Variants in GRIK3 observed in about 807,000 individuals in gnomAD.
GRIK3 encodes the protein glutamate ionotropic receptor kainate type subunit 3.
In GRIK3, 29 loss-of-function variants were observed where a neutral mutation model predicts 102.5. That is an observed-to-expected ratio of 0.28 (90% CI 0.21 to 0.39). The LOEUF (loss-of-function observed/expected upper bound fraction) is 0.39. Ranked by LOEUF, GRIK3 falls within the 10% of genes least tolerant of loss-of-function variation. The pLI is 1.00. For synonymous variants in GRIK3, 511 were observed against 504.9 expected (o/e 1.01, Z -0.16); for missense variants, 908 against 1,252.4 (o/e 0.73, Z 4.15).
In GRIK3 at chr1:36,880,216, C is replaced by T. The variant is rs1640955410; in HGVS notation, c.550+418G>A. Among the ~76,000 whole-genome samples the T allele has an allele frequency of 6.6e-6, 1 of 152,176 alleles. No homozygotes were observed. Among genetic ancestry groups the T allele is most frequent in the Non-Finnish European group, 1.5e-5 (1 of 68,032 alleles). On this transcript the variant is annotated intron_variant, in intron 3 of 15. Coordinates refer to ENST00000373091, the MANE Select transcript of GRIK3 (RefSeq NM_000831.4). The surrounding 1 kb of genome is among the most constrained non-coding windows in gnomAD (Gnocchi z 5.4). ...GGCTCCAGTGTGTACACACTTAACA[C>T]TAGGCCACGCCATAAGCTATGTGTG...
chr1:36,982,210 C>T (rs1390711322), intron 1 of GRIK3, among the ~76,000 whole-genome samples: 3 of 152,170 alleles, frequency 2.0e-5, no homozygotes, highest in South Asian at 2.1e-4. Flanking sequence ...GGAGTGAGTG[C>T]GTGGTGCTGG....
At position 36,859,830 on chromosome 1, in the gene GRIK3, C is replaced by T. The variant is rs1640699284; in HGVS notation, c.960+14G>A. On this transcript the variant is annotated intron_variant, in intron 6 of 15. Transcript: ENST00000373091. ...TGGGAAGCCCCTGGAATTCACCTCACCCAGCCGCCTTACCATCATCACTCC... is the reference window on the plus strand; with the variant it reads ...TGGGAAGCCCCTGGAATTCACCTCATCCAGCCGCCTTACCATCATCACTCC... The T allele has an allele frequency of 6.2e-7, 1 of 1,609,154 alleles. No homozygotes were observed. The highest frequency in any genetic ancestry group is 1.7e-5 in the Admixed American group (1 of 59,994).
intron 15 of GRIK3, 108 bp downstream of exon 15, chr1:36,804,879 G>A: frequency 7.2e-7 from 1 of 1,381,828 alleles, no homozygotes; most frequent in Non-Finnish European, 1.0e-6. Flanking sequence ...AGGGTGAGCT[G>A]TTGTGAGGCT....
chr1:36,997,023 G>C (rs1423306614), intron 1 of GRIK3, among the ~76,000 whole-genome samples: 2 of 152,204 alleles, frequency 1.3e-5, no homozygotes, highest in East Asian at 1.9e-4. Flanking sequence ...CAAATGCCAA[G>C]AGTGCTGAGG....
At chr1:36,828,133 G>A (rs889812198) in intron 10 of GRIK3, among the ~76,000 whole-genome samples, 3 of 151,668 alleles carry the variant, frequency 2.0e-5, no homozygotes, top group Admixed American at 6.6e-5. Context: ...CCGAGTCCCT[G>A]GTATCATGGA....
chr1:36,956,408 T>C (rs1254117296), intron 1 of GRIK3, among the ~76,000 whole-genome samples: 1 of 152,210 alleles, frequency 6.6e-6, no homozygotes, highest in Non-Finnish European at 1.5e-5. Flanking sequence ...AGCCTCATCG[T>C]GAAACTGCCA....
At chr1:37,025,714 C>T (rs923028017) in intron 1 of GRIK3, among the ~76,000 whole-genome samples, 1 of 152,224 alleles carries the variant, frequency 6.6e-6, no homozygotes, top group Non-Finnish European at 1.5e-5. Context: ...ACTCTATAAA[C>T]CCCCTTCCAT....
rs772148779 is a variant in GRIK3 at position 36,859,261 on chromosome 1, A to T, written c.961-10T>A. On this transcript the variant is annotated splice_polypyrimidine_tract_variant and intron_variant, in intron 6 of 15. Transcript: ENST00000373091. The stretch of plus-strand genomic sequence containing the variant: ...GTAAGGCTGCATCAGTCTGCAGGGA[A>T]GGGCCTGCCTGAGAGCGGCTCCCAA... The T allele has an allele frequency of 8.1e-6, 13 of 1,597,862 alleles. No homozygotes were observed. The highest frequency in any genetic ancestry group is 1.0e-5 in the Non-Finnish European group (12 of 1,168,094).
chr1:37,008,393 G>T (rs10157587), intron 1 of GRIK3, among the ~76,000 whole-genome samples: 36,795 of 152,250 alleles, frequency 0.24, 4,744 homozygotes, highest in African/African-American at 0.27. Flanking sequence ...CCAGGACAGT[G>T]CCTTCACAAG....
chr1:36,955,877 G>C (rs1208806830), intron 1 of GRIK3, among the ~76,000 whole-genome samples: 2 of 152,278 alleles, frequency 1.3e-5, no homozygotes, highest in Non-Finnish European at 2.9e-5. Flanking sequence ...ACCAGGGCCA[G>C]GGTCTGGTGT....
At chr1:36,807,942 C>T (rs1486506286) in intron 13 of GRIK3, among the ~76,000 whole-genome samples, 1 of 152,210 alleles carries the variant, frequency 6.6e-6, no homozygotes, top group Non-Finnish European at 1.5e-5. Context: ...TCCTAGTCCT[C>T]AGCCTGCCCT....
intron 10 of GRIK3, among the ~76,000 whole-genome samples, chr1:36,829,409 G>GT (rs371011659): frequency 0.011 from 1,589 of 142,860 alleles, 14 homozygotes; most frequent in African/African-American, 0.027. Flanking sequence ...ATTGTTTTTT[G>GT]TTTTTTTTTT....
chr1:37,012,230 G>A (rs1351019336), intron 1 of GRIK3, among the ~76,000 whole-genome samples: 1 of 152,260 alleles, frequency 6.6e-6, no homozygotes, highest in Non-Finnish European at 1.5e-5. Flanking sequence ...AACATGGCTA[G>A]TTCAGCGATT....
intron 1 of GRIK3, among the ~76,000 whole-genome samples, chr1:36,902,552 C>T (rs923079293): frequency 1.1e-4 from 17 of 152,270 alleles, no homozygotes; most frequent in African/African-American, 4.1e-4. Context: ...TAGACACAGA[C>T]CTTACACCCT....
chr1:36,846,933 A>G (rs1028334335), intron 9 of GRIK3, among the ~76,000 whole-genome samples: 1 of 152,198 alleles, frequency 6.6e-6, no homozygotes, highest in Non-Finnish European at 1.5e-5. Context: ...CACATCCTCT[A>G]TCCCCATCAG....
chr1:36,872,480 C>T lies in GRIK3; in HGVS notation c.551-111G>A. ...ATGCCCATGGCCACAGGTCTGCAGA[C>T]ATACACGGGCAGAAACGTGGCCCAC... On this transcript the variant is annotated intron_variant, in intron 3 of 15. Transcript: ENST00000373091. This position sits in a 1 kb window ranked among gnomAD's most constrained non-coding sequence, Gnocchi z 5.9. 1 of 806,300 alleles carries T rather than the reference C, an allele frequency of 1.2e-6. No individual in the cohort carries two copies. Among genetic ancestry groups the T allele is most frequent in the Non-Finnish European group, 1.9e-6 (1 of 523,542 alleles). The allele number at this position is 806,300 out of a possible 1,614,324, so 49.9% of individuals were successfully genotyped here. A position where few individuals can be genotyped will look rare whatever the true frequency, so the allele number is the denominator to read the frequency against.
intron 1 of GRIK3, among the ~76,000 whole-genome samples, chr1:36,928,007 A>T (rs559599843): frequency 1.3e-5 from 2 of 152,154 alleles, no homozygotes; most frequent in East Asian, 3.9e-4. Context: ...CCCTCCCTGG[A>T]GCTGCCGTCA....
chr1:36,922,859 C>A (rs775503518), intron 1 of GRIK3, among the ~76,000 whole-genome samples: 2 of 152,108 alleles, frequency 1.3e-5, no homozygotes, highest in Non-Finnish European at 2.9e-5. Context: ...CTCCTGCAAC[C>A]CAGAATCCAA....
chr1:36,841,347 GAA>G (rs1640446956), intron 10 of GRIK3, among the ~76,000 whole-genome samples: 1 of 152,222 alleles, frequency 6.6e-6, no homozygotes, highest in Admixed American at 6.5e-5. Context: ...AGAATTTGGT[GAA>G]GTGTCTCATG....
Sources: gnomAD v4.1 joint callset for allele counts (sites outside exome capture counted in the v4.1 genomes callset) on GRCh38, gnomAD v4.1.1 for gene constraint, Gnocchi (gnomAD v3.1) non-coding constraint, MANE v1.5 for transcripts, NCBI Gene and HGNC (gene_info 2026-07-23, HGNC 2026-07-21) for gene names.